FBXW11: variants seen among roughly 807,000 people sequenced by gnomAD.
FBXW11 encodes the protein F-box and WD repeat domain containing 11, also known as F-box/WD repeat-containing protein 11.
FBXW11 carries 19 observed loss-of-function variants against 77.6 expected under a neutral mutation model. The observed-to-expected ratio is 0.24, with a 90% CI of 0.17 to 0.36. The LOEUF is 0.36. Ranked by LOEUF, FBXW11 falls within the 10% of genes least tolerant of loss-of-function variation. FBXW11 has a pLI of 1.00. For synonymous variants in FBXW11, 235 were observed against 249.4 expected (o/e 0.94, Z 0.54); for missense variants, 334 against 704.2 (o/e 0.47, Z 5.95).
intron 4 of FBXW11, among the ~76,000 whole-genome samples, chr5:171,902,583 A>C (rs1337874075): frequency 1.3e-5 from 2 of 152,174 alleles, no homozygotes; most frequent in Non-Finnish European, 2.9e-5. Context: ...TAAATCCCCC[A>C]AAAACACCTT....
intron 7 of FBXW11, among the ~76,000 whole-genome samples, chr5:171,878,579 T>TGTGTGTGTGTGA (rs1758270148): frequency 1.5e-5 from 1 of 67,462 alleles, no homozygotes; most frequent in African/African-American, 3.7e-5. Flanking sequence ...TGTGTGTGTG[T>TGTGTGTGTGTGA]GTGTGTGTGT....
intron 2 of FBXW11, among the ~76,000 whole-genome samples, chr5:171,920,150 G>A (rs1300740823): frequency 1.3e-5 from 2 of 151,702 alleles, no homozygotes; most frequent in African/African-American, 2.4e-5. Flanking sequence ...GCAACAGAGC[G>A]AGACTCTGTC....
At chr5:171,872,571 C>T (rs1395332206) in intron 10 of FBXW11, among the ~76,000 whole-genome samples, 8 of 152,122 alleles carry the variant, frequency 5.3e-5, no homozygotes, top group Non-Finnish European at 7.4e-5. Flanking sequence ...GAAATTGGAG[C>T]GAGCTGGGCT....
intron 1 of FBXW11, among the ~76,000 whole-genome samples, chr5:171,964,998 G>A (rs534226730): frequency 2.0e-5 from 3 of 152,214 alleles, no homozygotes; most frequent in African/African-American, 7.2e-5. Context: ...TGGGATATAT[G>A]TTAAGGGAAG....
chr5:171,896,621 GAC>G (rs1394486803), intron 6 of FBXW11, among the ~76,000 whole-genome samples: 1 of 152,152 alleles, frequency 6.6e-6, no homozygotes, highest in African/African-American at 2.4e-5. Flanking sequence ...GATAGAGCTA[GAC>G]AGACCTCAGT....
At chr5:171,928,550 A>C (rs1045778274) in intron 2 of FBXW11, among the ~76,000 whole-genome samples, 4 of 152,252 alleles carry the variant, frequency 2.6e-5, no homozygotes, top group African/African-American at 9.6e-5. Context: ...GCATGAAGAC[A>C]TATGTATAGA....
chr5:171,970,621 C>T (rs1177974111), intron 1 of FBXW11, among the ~76,000 whole-genome samples: 2 of 152,186 alleles, frequency 1.3e-5, no homozygotes, highest in Non-Finnish European at 2.9e-5. Context: ...CAAATAAATA[C>T]ATGTTCCAAG....
intron 2 of FBXW11, among the ~76,000 whole-genome samples, chr5:171,946,759 C>G (rs1355970088): frequency 6.6e-6 from 1 of 151,200 alleles, no homozygotes; most frequent in Non-Finnish European, 1.5e-5. Flanking sequence ...CTATTCCCCC[C>G]TTTTCTCCAC....
In FBXW11 at chr5:171,992,986, C is replaced by T. The variant is rs73803807; in HGVS notation, c.45+13472G>A. ...AAGGAACCTTAAGGAAAACAAAGGG[C>T]TTCCCAAACCTGTAAGTCAAGTGTG... On this transcript the variant is annotated intron_variant, in intron 1 of 13. Transcript: ENST00000517395. Among the ~76,000 whole-genome samples the T allele has an allele frequency of 6.7e-3, 1,024 of 151,990 alleles. 13 individuals carry two copies. The highest frequency in any genetic ancestry group is 0.024 in the African/African-American group (988 of 41,474).
In FBXW11 at chr5:171,876,254, C is replaced by T. The variant is rs935050428; in HGVS notation, c.1221+31G>A. The T allele has an allele frequency of 5.0e-6, 8 of 1,611,970 alleles. No individual in the cohort carries two copies. The highest frequency in any genetic ancestry group is 6.8e-6 in the Non-Finnish European group (8 of 1,178,630). On this transcript the variant is annotated intron_variant, in intron 9 of 13. Coordinates refer to ENST00000517395, the MANE Select transcript of FBXW11 (RefSeq NM_001378974.1). The surrounding 1 kb of genome is among the most constrained non-coding windows in gnomAD (Gnocchi z 4.2). ...GTCTCTGTTCTAAAAGGGACAGGAA[C>T]AGGTAGGGTTATGACTGCAGACATA...
chr5:171,954,992 T>C (rs528935999), intron 2 of FBXW11, among the ~76,000 whole-genome samples: 4 of 152,276 alleles, frequency 2.6e-5, no homozygotes, highest in East Asian at 1.9e-4. Flanking sequence ...TTGGGCCAAA[T>C]AGTCACGTCA....
intron 10 of FBXW11, among the ~76,000 whole-genome samples, chr5:171,871,632 G>A (rs1055551220): frequency 3.9e-5 from 6 of 152,080 alleles, no homozygotes; most frequent in Non-Finnish European, 8.8e-5. Context: ...TATTATGACT[G>A]ATTTTCTACA....
At chr5:171,864,421 C>T (rs1757259668) in intron 13 of FBXW11, among the ~76,000 whole-genome samples, 1 of 152,170 alleles carries the variant, frequency 6.6e-6, no homozygotes, top group South Asian at 2.1e-4. Flanking sequence ...GACCCTATAA[C>T]CTATCACTCT....
intron 2 of FBXW11, among the ~76,000 whole-genome samples, chr5:171,953,477 C>T (rs1763455300): frequency 6.6e-6 from 1 of 152,136 alleles, no homozygotes. Flanking sequence ...CCATGTCTGA[C>T]CTTAGACAGA....
At position 171,900,051 on chromosome 5, in the gene FBXW11, G is replaced by A. The variant is rs1445281584; in HGVS notation, c.486C>T (p.Ala162=). 1 of 1,613,498 alleles carries A rather than the reference G, an allele frequency of 6.2e-7. No homozygotes were observed. The highest frequency in any genetic ancestry group is 1.7e-5 in the Admixed American group (1 of 59,978). ...IAENILSYLD[A]RSLCAAELVC... ...CCAGCTCTGCTGCACACAGAGACCT[G>A]GCATCCAGGTACGAAAGAATGTTTT... Residue 162 remains alanine, a synonymous_variant, in exon 5 of 14, where the codon GCC becomes GCT. Coordinates refer to ENST00000517395, the MANE Select transcript of FBXW11 (RefSeq NM_001378974.1).
intron 2 of FBXW11, among the ~76,000 whole-genome samples, chr5:171,925,009 C>T (rs112453329): frequency 1.1e-4 from 17 of 152,268 alleles, no homozygotes; most frequent in Middle Eastern, 3.4e-3. Flanking sequence ...AGACTGAGTG[C>T]GGGATCAGGG....
At chr5:171,881,044 T>C (rs1429064407) in intron 7 of FBXW11, among the ~76,000 whole-genome samples, 3 of 152,236 alleles carry the variant, frequency 2.0e-5, no homozygotes, top group African/African-American at 2.4e-5. Context: ...ATTGCTGCTA[T>C]ATGGGTAAGC....
chr5:171,989,476 T>C (rs1765619817), intron 1 of FBXW11, among the ~76,000 whole-genome samples: 1 of 152,252 alleles, frequency 6.6e-6, no homozygotes, highest in South Asian at 2.1e-4. Context: ...TGAAGCATTC[T>C]CGTCAAAATG....
intron 2 of FBXW11, among the ~76,000 whole-genome samples, chr5:171,946,103 A>G (rs769725589): frequency 3.8e-4 from 58 of 152,332 alleles, no homozygotes; most frequent in Non-Finnish European, 6.8e-4. Flanking sequence ...GCCTAAGAGA[A>G]AAGACTGGGG....
Sources: allele counts gnomAD v4.1 joint callset (sites outside exome capture counted in the v4.1 genomes callset), GRCh38; gene constraint gnomAD v4.1.1; non-coding constraint Gnocchi (gnomAD v3.1); transcripts MANE v1.5; gene names NCBI Gene and HGNC (gene_info 2026-07-23, HGNC 2026-07-21).